Variants in CHRM5 observed in about 807,000 individuals in gnomAD.
CHRM5 encodes the protein muscarinic acetylcholine receptor M5.
A neutral mutation model predicts 39.0 loss-of-function variants in CHRM5; 18 were observed. The ratio of observed to expected loss-of-function variants is 0.46; its 90% CI spans 0.32 to 0.68. The LOEUF is 0.68. CHRM5 is among the 30% of genes least tolerant of loss of function. CHRM5 has a pLI of 0.04. For synonymous variants in CHRM5, 241 were observed against 246.3 expected, an observed-to-expected ratio of 0.98 and a Z score of 0.20; for missense variants, 515 against 651.1, an observed-to-expected ratio of 0.79 and a Z score of 2.28.
At chr15:34,051,925 G>C (rs1317678345) in intron 2 of CHRM5, among the ~76,000 whole-genome samples, 1 of 151,784 alleles carries the variant, frequency 6.6e-6, no homozygotes, top group Non-Finnish European at 1.5e-5. Context: ...CAGGTACAAA[G>C]AGCTGGTACC....
chr15:33,992,262 C>A (rs113400534), intron 1 of CHRM5, among the ~76,000 whole-genome samples: 269 of 152,244 alleles, frequency 1.8e-3, no homozygotes, highest in Non-Finnish European at 2.4e-3. Flanking sequence ...TGGTGGCGGG[C>A]ACCTGTAGTC....
intron 1 of CHRM5, among the ~76,000 whole-genome samples, chr15:34,016,266 C>T (rs1037349471): frequency 5.3e-5 from 8 of 152,112 alleles, no homozygotes; most frequent in African/African-American, 1.9e-4. Flanking sequence ...AACCGGAAAG[C>T]AACTTATCTC....
At chr15:34,040,811 G>A (rs1177136250) in intron 1 of CHRM5, among the ~76,000 whole-genome samples, 1 of 151,964 alleles carries the variant, frequency 6.6e-6, no homozygotes, top group African/African-American at 2.4e-5. Context: ...CCACTACTTG[G>A]GAGGCTAAGA....
intron 1 of CHRM5, among the ~76,000 whole-genome samples, chr15:34,013,668 T>C (rs1897735440): frequency 6.6e-6 from 1 of 152,110 alleles, no homozygotes; most frequent in African/African-American, 2.4e-5. Flanking sequence ...AGTAAACATA[T>C]ATAGTGTGAT....
intron 1 of CHRM5, among the ~76,000 whole-genome samples, chr15:34,034,730 G>T (rs1405671504): frequency 6.6e-6 from 1 of 152,138 alleles, no homozygotes; most frequent in Non-Finnish European, 1.5e-5. Context: ...ATGTTAACAA[G>T]GATAAGGATG....
At position 34,064,146 on chromosome 15, in the gene CHRM5, T is replaced by A. The variant is rs775687892; in HGVS notation, c.1429T>A (p.Trp477Arg). ...TGACAAGTGTGTCCCAGTCACCCTGTGGCACTTGGGCTATTGGTTGTGCTA... is the reference window on the plus strand; with the variant it reads ...TGACAAGTGTGTCCCAGTCACCCTGAGGCACTTGGGCTATTGGTTGTGCTA... Reference protein sequence around the residue: ...FCDKCVPVTLWHLGYWLCYVN... With the variant: ...FCDKCVPVTLRHLGYWLCYVN... Residue 477 changes from tryptophan to arginine, a missense_variant, in exon 3 of 3, where the codon TGG (tryptophan) becomes AGG (arginine). By Grantham distance (101) the Trp-to-Arg change is moderately radical. Transcript: ENST00000383263. 13 of 1,614,230 alleles carry A rather than the reference T, an allele frequency of 8.1e-6. No individual in the cohort carries two copies. The highest frequency in any genetic ancestry group is 1.1e-5 in the Non-Finnish European group (13 of 1,180,036).
chr15:34,058,686 T>G (rs1900239575), intron 2 of CHRM5, among the ~76,000 whole-genome samples: 1 of 152,168 alleles, frequency 6.6e-6, no homozygotes, highest in Non-Finnish European at 1.5e-5. Flanking sequence ...TTCTGCTTTC[T>G]TCAGGCCTTC....
intron 1 of CHRM5, chr15:34,039,084 A>G: frequency 9.3e-7 from 1 of 1,078,936 alleles, no homozygotes. Flanking sequence ...GCGGGAGCCG[A>G]GCTGCGGCGG....
intron 1 of CHRM5, among the ~76,000 whole-genome samples, chr15:34,000,299 T>G (rs913470718): frequency 6.6e-6 from 1 of 152,242 alleles, no homozygotes; most frequent in Non-Finnish European, 1.5e-5. Context: ...GGTGTCTATA[T>G]CTGTTCTGTT....
chr15:34,002,235 G>A (rs1358663583), intron 1 of CHRM5, among the ~76,000 whole-genome samples: 1 of 152,112 alleles, frequency 6.6e-6, no homozygotes, highest in East Asian at 1.9e-4. Context: ...GCGTAGGTTC[G>A]TGTATCTGCC....
At chr15:34,034,285 A>G (rs1899009278) in intron 1 of CHRM5, among the ~76,000 whole-genome samples, 1 of 152,038 alleles carries the variant, frequency 6.6e-6, no homozygotes, top group African/African-American at 2.4e-5. Context: ...TACAAAATAT[A>G]AAAATATTAG....
rs1382103998 is a variant in CHRM5, at chr15:34,039,160, A to C, written c.-407-7380A>C. On this transcript the variant is annotated intron_variant, in intron 1 of 2. Transcript: ENST00000383263. ...CCGCGAGCGAAAGGCGCCCGGTAGC[A>C]GCGAGGCGCGGGGTGCGGGGCTAGG... The C allele has an allele frequency of 5.5e-6, 5 of 914,798 alleles. No homozygotes were observed. The African/African-American group carries it at 9.0e-5, about 16-fold the overall frequency. The allele number at this position is 914,798 out of a possible 1,614,324, so 56.7% of individuals were successfully genotyped here. A position where few individuals can be genotyped will look rare whatever the true frequency, so the allele number is the denominator to read the frequency against.
Position 34,063,563 on chromosome 15 carries a change from G to A in CHRM5, c.846G>A (p.Gly282=), listed in dbSNP as rs1166184098. The A allele has an allele frequency of 3.1e-6, 5 of 1,613,504 alleles. No individual in the cohort carries two copies. The African/African-American group carries it at 4.0e-5, about 13-fold the overall frequency. The change falls in exon 3 of 3, where the codon GGG becomes GGA. Residue 282 remains glycine, a synonymous_variant. Coordinates refer to ENST00000383263, the MANE Select transcript of CHRM5 (RefSeq NM_012125.4). This position sits in a 1 kb window ranked among gnomAD's most constrained non-coding sequence, Gnocchi z 4.1. ...SSSRRSTSTT[G]KPSQATGPSA... is the part of the protein sequence containing the mutation. ...CCCGCAGGAGCACCTCCACCACTGG[G>A]AAGCCATCCCAAGCCACTGGCCCAA...
intron 1 of CHRM5, among the ~76,000 whole-genome samples, chr15:33,999,033 G>A (rs1297979176): frequency 1.3e-5 from 2 of 152,122 alleles, no homozygotes; most frequent in African/African-American, 4.8e-5. Flanking sequence ...TGTTGTGCTG[G>A]GTCTCTTCCA....
At chr15:34,038,858 G>A in intron 1 of CHRM5, 1 of 1,157,266 alleles carries the variant, frequency 8.6e-7, no homozygotes, top group African/African-American at 1.7e-5. Context: ...CTCGGCCTCC[G>A]CGAGCGCCGC....
At chr15:33,998,734 C>T (rs1425154188) in intron 1 of CHRM5, among the ~76,000 whole-genome samples, 1 of 152,168 alleles carries the variant, frequency 6.6e-6, no homozygotes, top group African/African-American at 2.4e-5. Flanking sequence ...CAGATCTCTC[C>T]TCCTGCTTCA....
At chr15:34,029,158 C>T (rs1898640987) in intron 1 of CHRM5, among the ~76,000 whole-genome samples, 1 of 152,114 alleles carries the variant, frequency 6.6e-6, no homozygotes, top group African/African-American at 2.4e-5. Flanking sequence ...GGACAGAAAA[C>T]AGCTGAGGCT....
At position 34,008,778 on chromosome 15, in the gene CHRM5, G is replaced by A. The variant is rs550268212; in HGVS notation, c.-407-37762G>A. Among the ~76,000 whole-genome samples the A allele has an allele frequency of 9.9e-5, 15 of 152,110 alleles. No individual in the cohort carries two copies. The East Asian group carries it at 1.4e-3, about 14-fold the overall frequency. On this transcript the variant is annotated intron_variant, in intron 1 of 2. Coordinates refer to ENST00000383263, the MANE Select transcript of CHRM5 (RefSeq NM_012125.4). ...GATGGGATTACAGGCGTGAGCCACCGTGCCTAGCCGATGAAAAACCTTTAT... is the reference window on the plus strand; with the variant it reads ...GATGGGATTACAGGCGTGAGCCACCATGCCTAGCCGATGAAAAACCTTTAT...
At position 34,064,284 on chromosome 15, in the gene CHRM5, T is replaced by C; in HGVS notation, c.1567T>C (p.Leu523=). The C allele has an allele frequency of 6.2e-7, 1 of 1,613,782 alleles. No homozygotes were observed. Among genetic ancestry groups the C allele is most frequent in the South Asian group, 1.1e-5 (1 of 91,026 alleles). The change falls in exon 3 of 3, where the codon TTG becomes CTG. Residue 523 remains leucine, a synonymous_variant. Transcript: ENST00000383263. ...GAAAAAGAAAAAAGTGGAAGAGAAG[T>C]TGTACTGGCAGGGGAACAGCAAGCT... ...RWKKKKVEEK[L]YWQGNSKLP
Sources: allele counts gnomAD v4.1 joint callset (sites outside exome capture counted in the v4.1 genomes callset), GRCh38; gene constraint gnomAD v4.1.1; non-coding constraint Gnocchi (gnomAD v3.1); transcripts MANE v1.5; gene names NCBI Gene and HGNC (gene_info 2026-07-23, HGNC 2026-07-21).